PCDHGB1: variants seen among roughly 807,000 people sequenced by gnomAD.
PCDHGB1 encodes the protein protocadherin gamma subfamily B, 1, also known as protocadherin gamma-B1.
Under a neutral mutation model 56.6 loss-of-function variants are expected in PCDHGB1, and 34 were observed. The ratio of observed to expected loss-of-function variants is 0.60; its 90% CI spans 0.46 to 0.80. The LOEUF (loss-of-function observed/expected upper bound fraction) is 0.80. PCDHGB1 is among the 30% of genes least tolerant of loss of function. The probability of loss-of-function intolerance (pLI) is 0.00; values close to 1 mark genes in which losing one functional copy is unlikely to be tolerated. For synonymous variants in PCDHGB1, 561 were observed against 505.9 expected (o/e 1.11, Z -1.46); for missense variants, 1,278 against 1,204.6 (o/e 1.06, Z -0.90).
chr5:141,461,196 T>C (rs1398352067), intron 1 of PCDHGB1, among the ~76,000 whole-genome samples: 3 of 152,128 alleles, frequency 2.0e-5, no homozygotes. Context: ...TGTTTTTTGC[T>C]CTTTAGAGAA....
At position 141,432,273 on chromosome 5, in the gene PCDHGB1, T is replaced by G. The variant is rs199937628; in HGVS notation, c.2410-62534T>G. 6.8e-6 allele frequency: 11 copies of G among 1,614,238 alleles called. No individual in the cohort carries two copies. In the Admixed American group the frequency reaches 1.7e-4, roughly 24 times the overall value. ...CAAGGGGCAAGCCTATCGTCCTACG[T>G]GTCCATCAACTCCGACACTGGGGTA... On this transcript the variant is annotated intron_variant, in intron 1 of 3. Coordinates refer to ENST00000523390, the MANE Select transcript of PCDHGB1 (RefSeq NM_018922.3). This position sits in a 1 kb window ranked among gnomAD's most constrained non-coding sequence, Gnocchi z 6.0.
In PCDHGB1 at chr5:141,487,087, C is replaced by G. The variant is rs752261507; in HGVS notation, c.2410-7720C>G. 1.2e-6 allele frequency: 2 copies of G among 1,613,890 alleles called. No homozygotes were observed. Among genetic ancestry groups the G allele is most frequent in the Non-Finnish European group, 1.7e-6 (2 of 1,179,804 alleles). ...CGGCTGTTCCTATCCCAGCTGACCT[C>G]CCACCACAGAAGCTGGTCATTGTGG... On this transcript the variant is annotated intron_variant, in intron 1 of 3. Transcript: ENST00000523390. The surrounding 1 kb of genome is among the most constrained non-coding windows in gnomAD (Gnocchi z 5.0).
chr5:141,393,526 A>G, intron 1 of PCDHGB1: 3 of 1,613,974 alleles, frequency 1.9e-6, no homozygotes, highest in East Asian at 2.2e-5. Context: ...ACAAATGACA[A>G]TGCCCCGGTT....
intron 1 of PCDHGB1, chr5:141,409,285 T>G (rs773096828): frequency 6.2e-7 from 1 of 1,613,966 alleles, no homozygotes; most frequent in South Asian, 1.1e-5. Context: ...AGAATTCACC[T>G]CCAGGAATGG....
intron 1 of PCDHGB1, chr5:141,372,254 C>G: frequency 6.2e-7 from 1 of 1,613,086 alleles, no homozygotes; most frequent in Non-Finnish European, 8.5e-7. Context: ...TCAGCCTGGG[C>G]CTGCGCACGG....
In PCDHGB1 at chr5:141,410,321, G is replaced by A. The variant is rs749017304; in HGVS notation, c.2409+57652G>A. ...AATCTCAGTGCTCTTCCTCCTCGCC[G>A]TGATTCTGGCCATTGCCTTGCGCCT... On this transcript the variant is annotated intron_variant, in intron 1 of 3. Transcript: ENST00000523390. The A allele has an allele frequency of 3.7e-6, 6 of 1,613,842 alleles. No homozygotes were observed. The East Asian group carries it at 1.1e-4, about 30-fold the overall frequency.
At position 141,350,245 on chromosome 5, in the gene PCDHGB1, G is replaced by A; in HGVS notation, c.-16G>A. The A allele has an allele frequency of 6.6e-7, 1 of 1,505,130 alleles. No individual in the cohort carries two copies. Among genetic ancestry groups the A allele is most frequent in the South Asian group, 1.4e-5 (1 of 70,910 alleles). 93.2% of individuals were successfully genotyped at this position (1,505,130 alleles called of 1,614,324 possible). On this transcript the variant is annotated 5_prime_UTR_variant, in exon 1 of 4. Coordinates refer to ENST00000523390, the MANE Select transcript of PCDHGB1 (RefSeq NM_018922.3). ...AAACATCCCAGAGGAAAGAAGCTCCGCGGAGAGTTCCTGAAATGCAGAGAG... is the reference window on the plus strand; with the variant it reads ...AAACATCCCAGAGGAAAGAAGCTCCACGGAGAGTTCCTGAAATGCAGAGAG...
intron 1 of PCDHGB1, among the ~76,000 whole-genome samples, chr5:141,436,122 C>T (rs909678739): frequency 4.6e-5 from 7 of 152,128 alleles, no homozygotes; most frequent in African/African-American, 7.2e-5. Flanking sequence ...AACCTCTCTC[C>T]TCCATCATCT....
chr5:141,409,312 AAC>A (rs762706827), intron 1 of PCDHGB1: 39 of 1,613,880 alleles, frequency 2.4e-5, no homozygotes, highest in Admixed American at 1.7e-4. Flanking sequence ...CCCTCTTCAA[AAC>A]ACGGGATCTG....
At chr5:141,413,531 A>G (rs1472068242) in intron 1 of PCDHGB1, 6 of 1,613,818 alleles carry the variant, frequency 3.7e-6, no homozygotes, top group Non-Finnish European at 5.1e-6. Flanking sequence ...GACAGGGTGA[A>G]ACTTTTTGGG....
intron 1 of PCDHGB1, among the ~76,000 whole-genome samples, chr5:141,449,978 T>A (rs1025332419): frequency 6.6e-6 from 1 of 151,030 alleles, no homozygotes; most frequent in Non-Finnish European, 1.5e-5. Context: ...GTCCAAAATA[T>A]CACACATTGC....
chr5:141,467,055 CTTT>C (rs1193465269), intron 1 of PCDHGB1, among the ~76,000 whole-genome samples: 5 of 134,460 alleles, frequency 3.7e-5, no homozygotes, highest in Admixed American at 7.5e-5. Context: ...TCAATGTTTT[CTTT>C]TTTTTTTTTT....
In PCDHGB1 at chr5:141,405,165, C is replaced by G. The variant is rs745998723; in HGVS notation, c.2409+52496C>G. 1.9e-6 allele frequency: 3 copies of G among 1,613,978 alleles called. No individual in the cohort carries two copies. In the South Asian group the frequency reaches 3.3e-5, roughly 18 times the overall value. On this transcript the variant is annotated intron_variant, in intron 1 of 3. Transcript: ENST00000523390. Reference sequence around the variant, plus strand: ...GATGGGTTGGCTGGTGTGCCCACCTCACACTTTGTGGGTGTAGATGGGGTT... The same window carrying G: ...GATGGGTTGGCTGGTGTGCCCACCTGACACTTTGTGGGTGTAGATGGGGTT...
At chr5:141,494,965 C>T in intron 2 of PCDHGB1, 100 bp downstream of exon 2, 1 of 1,592,636 alleles carries the variant, frequency 6.3e-7, no homozygotes, top group Non-Finnish European at 8.6e-7. Context: ...CTACAGATGG[C>T]TTCTCCCTCA....
At chr5:141,405,309 A>T (rs1019536231) in intron 1 of PCDHGB1, 2 of 1,614,068 alleles carry the variant, frequency 1.2e-6, no homozygotes, top group Non-Finnish European at 1.7e-6. Context: ...CAGAGCTGTG[A>T]GAAAAATGAG....
chr5:141,431,768 G>T lies in PCDHGB1; in HGVS notation c.2410-63039G>T. 6.2e-7 allele frequency: 1 copy of T among 1,614,218 alleles called. No individual in the cohort carries two copies. The highest frequency in any genetic ancestry group is 8.5e-7 in the Non-Finnish European group (1 of 1,180,036). On this transcript the variant is annotated intron_variant, in intron 1 of 3. Coordinates refer to ENST00000523390, the MANE Select transcript of PCDHGB1 (RefSeq NM_018922.3). The surrounding 1 kb of genome is among the most constrained non-coding windows in gnomAD (Gnocchi z 4.8). ...TGCGCGAGCCAAAGTCCTGATCACT[G>T]TTCTGGACGTGAACGACAATGCCCC...
At chr5:141,414,829 T>C (rs746789783) in intron 1 of PCDHGB1, 18 of 1,614,078 alleles carry the variant, frequency 1.1e-5, no homozygotes, top group Non-Finnish European at 1.5e-5. Context: ...CAACGTGTCG[T>C]TGAGCCTGTT....
chr5:141,407,656 C>T (rs1333500318), intron 1 of PCDHGB1, among the ~76,000 whole-genome samples: 1 of 151,756 alleles, frequency 6.6e-6, no homozygotes, highest in Admixed American at 6.6e-5. Flanking sequence ...TGGGGGAGCG[C>T]AGTATATATT....
rs200576950 is a variant in PCDHGB1 at position 141,477,475 on chromosome 5, C to T, written c.2410-17332C>T. The T allele has an allele frequency of 1.2e-6, 2 of 1,614,124 alleles. No individual in the cohort carries two copies. Among genetic ancestry groups the T allele is most frequent in the African/African-American group, 2.7e-5 (2 of 75,010 alleles). ...TTCAAGTGTCCGACATCAATGACAACCCTCCACAATCTTCTCAATCTTCCT... is the reference window on the plus strand; with the variant it reads ...TTCAAGTGTCCGACATCAATGACAATCCTCCACAATCTTCTCAATCTTCCT... On this transcript the variant is annotated intron_variant, in intron 1 of 3. Transcript: ENST00000523390. The surrounding 1 kb of genome is among the most constrained non-coding windows in gnomAD (Gnocchi z 4.9).
Sources: gnomAD v4.1 joint callset for allele counts (sites outside exome capture counted in the v4.1 genomes callset) on GRCh38, gnomAD v4.1.1 for gene constraint, Gnocchi (gnomAD v3.1) non-coding constraint, MANE v1.5 for transcripts, NCBI Gene and HGNC (gene_info 2026-07-23, HGNC 2026-07-21) for gene names.